The following PREX2 variants were observed in gnomAD, a reference collection of about 807,000 sequenced individuals.
PREX2 encodes the protein phosphatidylinositol-3,4,5-trisphosphate dependent Rac exchange factor 2.
A neutral mutation model predicts 203.2 loss-of-function variants in PREX2; 107 were observed. That is an observed-to-expected ratio of 0.53 (90% confidence interval 0.45 to 0.62). The LOEUF is 0.62. PREX2 is among the 20% of genes least tolerant of loss of function. PREX2 has a pLI of 0.00. For synonymous variants in PREX2, 672 were observed against 663.6 expected (o/e 1.01, Z -0.19); for missense variants, 1,777 against 1,955.9 (o/e 0.91, Z 1.72).
chr8:67,989,994 CT>C (rs1227265814), intron 1 of PREX2, among the ~76,000 whole-genome samples: 1 of 149,548 alleles, frequency 6.7e-6, no homozygotes, highest in Admixed American at 6.7e-5. Context: ...TGGAGTGAAT[CT>C]TTTTTTTTTC....
intron 35 of PREX2, among the ~76,000 whole-genome samples, chr8:68,172,992 T>A (rs7005246): frequency 0.092 from 14,025 of 152,232 alleles, 832 homozygotes; most frequent in African/African-American, 0.16. Flanking sequence ...CTGGAATTAA[T>A]CAATCACTCT....
intron 5 of PREX2, among the ~76,000 whole-genome samples, chr8:68,029,612 C>A (rs184717489): frequency 7.2e-5 from 11 of 152,206 alleles, no homozygotes; most frequent in Non-Finnish European, 1.5e-4. Flanking sequence ...TTAGAAAATT[C>A]TTTTCAAGAC....
At position 68,077,397 on chromosome 8, in the gene PREX2, G is replaced by A. The variant is rs1357075499; in HGVS notation, c.1570G>A (p.Gly524Arg). ...NKLIDWLIAQ[G>R]DCRTREEAMI... The stretch of plus-strand genomic sequence containing the variant: ...CCCACAGTGCTTTTTTGGTTAACAG[G>A]GAGATTGCCGCACCAGAGAAGAGGC... Residue 524 changes from glycine (G) to arginine (R), a missense_variant and splice_region_variant, in exon 15 of 40, where the codon GGA becomes AGA. Transcript: ENST00000288368. The A allele has an allele frequency of 6.2e-7, 1 of 1,612,948 alleles. No individual in the cohort carries two copies. The highest frequency in any genetic ancestry group is 1.1e-5 in the South Asian group (1 of 91,054).
intron 1 of PREX2, among the ~76,000 whole-genome samples, chr8:67,959,874 A>G (rs1805587113): frequency 6.6e-6 from 1 of 152,080 alleles, no homozygotes; most frequent in South Asian, 2.1e-4. Flanking sequence ...ACTGAAACTT[A>G]CAAACTCTCT....
At chr8:68,063,626 G>A (rs1237943804) in intron 11 of PREX2, among the ~76,000 whole-genome samples, 1 of 152,140 alleles carries the variant, frequency 6.6e-6, no homozygotes, top group Non-Finnish European at 1.5e-5. Context: ...TGGAAAACCA[G>A]CTAGGTTTTC....
chr8:68,187,027 C>T (rs1001606202), intron 35 of PREX2, among the ~76,000 whole-genome samples: 1 of 148,432 alleles, frequency 6.7e-6, no homozygotes, highest in African/African-American at 2.5e-5. Flanking sequence ...GAATCAATGA[C>T]AACTTTTTTT....
At chr8:67,984,197 A>C (rs764610033) in intron 1 of PREX2, among the ~76,000 whole-genome samples, 3 of 152,114 alleles carry the variant, frequency 2.0e-5, no homozygotes, top group Non-Finnish European at 2.9e-5. Context: ...CTACTTCTGA[A>C]CCTTGAAAAT....
intron 35 of PREX2, among the ~76,000 whole-genome samples, chr8:68,169,707 C>T (rs10504420): frequency 0.11 from 17,281 of 152,098 alleles, 1,093 homozygotes; most frequent in Admixed American, 0.16. Flanking sequence ...ATATTGTTTA[C>T]ACTGTATTAG....
At chr8:67,998,839 C>T (rs535679510) in intron 1 of PREX2, among the ~76,000 whole-genome samples, 2 of 152,324 alleles carry the variant, frequency 1.3e-5, no homozygotes, top group East Asian at 3.9e-4. Context: ...GTGCTCTGAT[C>T]TATGGTGAAT....
intron 1 of PREX2, among the ~76,000 whole-genome samples, chr8:67,983,500 A>G (rs1207199603): frequency 6.6e-6 from 1 of 152,204 alleles, no homozygotes; most frequent in Non-Finnish European, 1.5e-5. Context: ...TGACTCAGAT[A>G]AGTTCCCAAC....
intron 1 of PREX2, among the ~76,000 whole-genome samples, chr8:67,980,240 G>A (rs1806227763): frequency 6.6e-6 from 1 of 152,134 alleles, no homozygotes; most frequent in African/African-American, 2.4e-5. Context: ...GAGTGGGGAT[G>A]AAGTAGGTTA....
At chr8:67,956,232 C>T (rs1320400306) in intron 1 of PREX2, among the ~76,000 whole-genome samples, 1 of 152,150 alleles carries the variant, frequency 6.6e-6, no homozygotes, top group Non-Finnish European at 1.5e-5. Flanking sequence ...AAAGTCTGGA[C>T]AATAGTAAGT....
At position 68,217,728 on chromosome 8, in the gene PREX2, A is replaced by C. The variant is rs927997012; in HGVS notation, c.4707+10A>C. 3.1e-6 allele frequency: 5 copies of C among 1,601,098 alleles called. No homozygotes were observed. Among genetic ancestry groups the C allele is most frequent in the Non-Finnish European group, 4.3e-6 (5 of 1,168,690 alleles). The stretch of plus-strand genomic sequence containing the variant: ...TGTGATGCGGAAGCAGGTAGGTCTC[A>C]TGCAGACTTGGGAATAGTTGTTTTG... On this transcript the variant is annotated intron_variant, in intron 38 of 39. Transcript: ENST00000288368.
At chr8:68,219,559 G>T (rs1166803937) in intron 38 of PREX2, among the ~76,000 whole-genome samples, 1 of 152,060 alleles carries the variant, frequency 6.6e-6, no homozygotes, top group East Asian at 1.9e-4. Flanking sequence ...AATACATTTG[G>T]AATAGGTAGC....
intron 35 of PREX2, among the ~76,000 whole-genome samples, chr8:68,188,571 G>C (rs1013470034): frequency 7.2e-5 from 11 of 152,174 alleles, no homozygotes; most frequent in African/African-American, 2.7e-4. Context: ...AAAGGAAAAA[G>C]GTTTAATGGA....
intron 1 of PREX2, among the ~76,000 whole-genome samples, chr8:68,003,847 T>TTG (rs1280076048): frequency 7.7e-5 from 2 of 26,114 alleles, no homozygotes; most frequent in African/African-American, 2.1e-4. Flanking sequence ...CTGACCTTTT[T>TTG]TTTTTTTTTT....
intron 1 of PREX2, among the ~76,000 whole-genome samples, chr8:67,985,683 C>T (rs542554285): frequency 2.6e-5 from 4 of 152,234 alleles, no homozygotes; most frequent in South Asian, 2.1e-4. Context: ...CCAGGAGGGC[C>T]GCTGAGTACA....
chr8:68,153,759 T>C (rs536858312), intron 34 of PREX2, among the ~76,000 whole-genome samples: 3 of 152,314 alleles, frequency 2.0e-5, no homozygotes, highest in African/African-American at 7.2e-5. Flanking sequence ...TCTTTTTTTG[T>C]TCATTCCCCA....
chr8:68,196,730 C>T (rs903548070), intron 37 of PREX2, among the ~76,000 whole-genome samples: 3 of 150,804 alleles, frequency 2.0e-5, no homozygotes, highest in Non-Finnish European at 2.9e-5. Flanking sequence ...CACCTCCCCC[C>T]CCCAACTCTC....
Sources: gnomAD v4.1 joint callset for allele counts (sites outside exome capture counted in the v4.1 genomes callset) on GRCh38, gnomAD v4.1.1 for gene constraint, MANE v1.5 for transcripts, NCBI Gene and HGNC (gene_info 2026-07-23, HGNC 2026-07-21) for gene names.